The following SPOCK1 variants were observed in gnomAD, a reference collection of about 807,000 sequenced individuals.
SPOCK1 encodes testican-1.
A neutral mutation model predicts 55.3 loss-of-function variants in SPOCK1; 23 were observed. The observed-to-expected ratio is 0.42, with a 90% CI of 0.30 to 0.59. The LOEUF (loss-of-function observed/expected upper bound fraction) is 0.59. Among genes scored for constraint, SPOCK1 ranks in the 20% least tolerant of loss-of-function variants. The probability of loss-of-function intolerance (pLI) is 0.22; values close to 1 mark genes in which losing one functional copy is unlikely to be tolerated. For missense variants in SPOCK1, 499 were observed against 552.5 expected, an observed-to-expected ratio of 0.90 and a Z score of 0.97; for synonymous variants, 226 against 221.0, an observed-to-expected ratio of 1.02 and a Z score of -0.20.
intron 2 of SPOCK1, among the ~76,000 whole-genome samples, chr5:137,291,279 C>T (rs1479672687): frequency 2.0e-5 from 3 of 152,228 alleles, no homozygotes; most frequent in Non-Finnish European, 4.4e-5. Flanking sequence ...ACAGGCTAAG[C>T]AAGCTCTCTG....
intron 9 of SPOCK1, among the ~76,000 whole-genome samples, chr5:136,983,462 T>C (rs1355955949): frequency 6.6e-6 from 1 of 151,956 alleles, no homozygotes; most frequent in Admixed American, 6.6e-5. Context: ...CATTAAGGAG[T>C]GTACGCCATT....
rs375671099 is a variant in SPOCK1 at position 137,419,897 on chromosome 5, T to C, written c.186+78476A>G. ...CTTGTGCCAGTTTTCAAAGGGAATGTTTCCAGTTTTTGCCCATTCAGTATG... is the reference window on the plus strand; with the variant it reads ...CTTGTGCCAGTTTTCAAAGGGAATGCTTCCAGTTTTTGCCCATTCAGTATG... On this transcript the variant is annotated intron_variant, in intron 2 of 10. Coordinates refer to ENST00000394945, the MANE Select transcript of SPOCK1 (RefSeq NM_004598.4). 1.6e-4 allele frequency among the ~76,000 whole-genome samples: 25 copies of C among 152,252 alleles called. 1 individual carries two copies. The South Asian group carries it at 2.3e-3, about 14-fold the overall frequency.
chr5:137,435,454 T>C (rs1302680693), intron 2 of SPOCK1, among the ~76,000 whole-genome samples: 8 of 134,864 alleles, frequency 5.9e-5, no homozygotes, highest in Non-Finnish European at 1.0e-4. Flanking sequence ...TCAGTGAATT[T>C]CTTACCAATT....
At chr5:137,029,072 G>A (rs532700823) in intron 6 of SPOCK1, among the ~76,000 whole-genome samples, 34 of 152,230 alleles carry the variant, frequency 2.2e-4, no homozygotes, top group African/African-American at 6.5e-4. Context: ...TAACAAGCAC[G>A]AATTATAATC....
intron 2 of SPOCK1, among the ~76,000 whole-genome samples, chr5:137,332,712 A>G (rs889717449): frequency 1.1e-4 from 17 of 152,216 alleles, no homozygotes; most frequent in African/African-American, 4.1e-4. Context: ...ACTTTCATAT[A>G]TATGTATGTG....
At position 137,079,785 on chromosome 5, in the gene SPOCK1, C is replaced by T. The variant is rs529542593; in HGVS notation, c.475-11956G>A. ...TCTGAATACCTCTTTCTTTTCCCAT[C>T]CCAAACCTTCCCCACCCAGGCGTGT... is the stretch of plus-strand genomic sequence containing the variant. On this transcript the variant is annotated intron_variant, in intron 5 of 10. Coordinates refer to ENST00000394945, the MANE Select transcript of SPOCK1 (RefSeq NM_004598.4). Among the ~76,000 whole-genome samples, 18 of 152,092 alleles carry T rather than the reference C, an allele frequency of 1.2e-4. No homozygotes were observed. The South Asian group carries it at 3.7e-3, about 32-fold the overall frequency.
In SPOCK1 at chr5:136,978,484, G is replaced by A; in HGVS notation, c.*170C>T. 3 of 555,376 alleles carry A rather than the reference G, an allele frequency of 5.4e-6. No homozygotes were observed. The highest frequency in any genetic ancestry group is 8.7e-6 in the Non-Finnish European group (3 of 345,734). The allele number at this position is 555,376 out of a possible 1,614,324, so 34.4% of individuals were successfully genotyped here. A position where few individuals can be genotyped will look rare whatever the true frequency, so the allele number is the denominator to read the frequency against. ...CACCCTTTCTCCCATACAAACATATGCAAAATCAGAATCCTCTGGGAACAA... is the reference window on the plus strand; with the variant it reads ...CACCCTTTCTCCCATACAAACATATACAAAATCAGAATCCTCTGGGAACAA... On this transcript the variant is annotated 3_prime_UTR_variant, in exon 11 of 11. Transcript: ENST00000394945.
intron 2 of SPOCK1, among the ~76,000 whole-genome samples, chr5:137,452,101 G>C (rs561235843): frequency 2.6e-5 from 4 of 152,196 alleles, no homozygotes; most frequent in Non-Finnish European, 4.4e-5. Flanking sequence ...CAGTGTTTCA[G>C]ATTTTGGATT....
intron 3 of SPOCK1, among the ~76,000 whole-genome samples, chr5:137,205,858 T>G (rs548361333): frequency 2.6e-5 from 4 of 152,306 alleles, no homozygotes; most frequent in African/African-American, 9.6e-5. Flanking sequence ...TTCCAAGCAC[T>G]CTGTATAAAT....
rs765645679 is a variant in SPOCK1 at position 137,222,273 on chromosome 5, G to A, written c.232+44737C>T. ...CCGCCCCCACTTCAGAGTAGGTGGG[G>A]GGAACCTCTCTTTGGGTAAGGCCAA... is the stretch of plus-strand genomic sequence containing the variant. On this transcript the variant is annotated intron_variant, in intron 3 of 10. Transcript: ENST00000394945. 8.5e-5 allele frequency among the ~76,000 whole-genome samples: 13 copies of A among 152,254 alleles called. No homozygotes were observed. The East Asian group carries it at 1.7e-3, about 20-fold the overall frequency.
chr5:137,319,939 G>A (rs1163692100), intron 2 of SPOCK1, among the ~76,000 whole-genome samples: 7 of 125,662 alleles, frequency 5.6e-5, no homozygotes, highest in South Asian at 3.0e-4. Flanking sequence ...GCGACAGAGC[G>A]AGACTCCGTC....
intron 3 of SPOCK1, among the ~76,000 whole-genome samples, chr5:137,152,557 G>A (rs1178236163): frequency 6.6e-6 from 1 of 152,126 alleles, no homozygotes; most frequent in Non-Finnish European, 1.5e-5. Context: ...TCACCTAACA[G>A]GTAAGACACA....
chr5:137,436,010 C>T lies in SPOCK1; in HGVS notation c.186+62363G>A, dbSNP rs1271420707. Among the ~76,000 whole-genome samples the T allele has an allele frequency of 1.5e-4, 3 of 20,636 alleles. No individual in the cohort carries two copies. In the Admixed American group the frequency reaches 2.9e-3, roughly 20 times the overall value. 13.5% of individuals were successfully genotyped at this position (20,636 alleles called of 152,430 possible). A position where few individuals can be genotyped will look rare whatever the true frequency, so the allele number is the denominator to read the frequency against. ...CTCTACTAAAACATGTAAAAATTAG[C>T]CGAGTGTTGGTGGCACATGCCTGTA... is the stretch of plus-strand genomic sequence containing the variant. On this transcript the variant is annotated intron_variant, in intron 2 of 10. Transcript: ENST00000394945.
chr5:137,305,217 T>C (rs1413336213), intron 2 of SPOCK1, among the ~76,000 whole-genome samples: 1 of 152,232 alleles, frequency 6.6e-6, no homozygotes, highest in African/African-American at 2.4e-5. Context: ...AACTCATGCT[T>C]ATCCCATGAT....
intron 3 of SPOCK1, among the ~76,000 whole-genome samples, chr5:137,225,421 T>C (rs1755927610): frequency 6.6e-6 from 1 of 152,202 alleles, no homozygotes; most frequent in Non-Finnish European, 1.5e-5. Flanking sequence ...TTAGCTATTG[T>C]CATAAACATC....
intron 2 of SPOCK1, among the ~76,000 whole-genome samples, chr5:137,364,682 C>G (rs1432476141): frequency 1.3e-5 from 2 of 152,194 alleles, no homozygotes; most frequent in African/African-American, 4.8e-5. Flanking sequence ...CCTGCCCCCC[C>G]GAGCCTATAT....
intron 2 of SPOCK1, among the ~76,000 whole-genome samples, chr5:137,286,360 A>G (rs544004708): frequency 1.9e-3 from 285 of 152,252 alleles, no homozygotes; most frequent in African/African-American, 6.7e-3. Context: ...TTGAACATCT[A>G]TGTGTTGCCC....
intron 3 of SPOCK1, among the ~76,000 whole-genome samples, chr5:137,213,966 T>C (rs754799976): frequency 2.6e-5 from 4 of 152,224 alleles, no homozygotes; most frequent in Non-Finnish European, 5.9e-5. Context: ...TGTCTGCATT[T>C]AATTTATACC....
At chr5:137,066,902 C>T (rs1179425121) in intron 6 of SPOCK1, among the ~76,000 whole-genome samples, 2 of 151,532 alleles carry the variant, frequency 1.3e-5, no homozygotes, top group South Asian at 2.1e-4. Context: ...GATAGATAAA[C>T]GCTCATACCC....
Sources: gnomAD v4.1 joint callset for allele counts (sites outside exome capture counted in the v4.1 genomes callset) on GRCh38, gnomAD v4.1.1 for gene constraint, MANE v1.5 for transcripts, NCBI Gene and HGNC (gene_info 2026-07-23, HGNC 2026-07-21) for gene names.